CA10: variants seen among roughly 807,000 people sequenced by gnomAD.
CA10 encodes the protein carbonic anhydrase 10 (inactive), also known as carbonic anhydrase-related protein 10.
Under a neutral mutation model 44.2 loss-of-function variants are expected in CA10, and 14 were observed. The observed-to-expected ratio is 0.32, with a 90% CI of 0.21 to 0.50. The LOEUF is 0.50. Among genes scored for constraint, CA10 ranks in the 20% least tolerant of loss-of-function variants. CA10 has a pLI of 0.99. For missense variants in CA10, 350 were observed against 409.7 expected (o/e 0.85, Z 1.26); for synonymous variants, 159 against 141.6 (o/e 1.12, Z -0.87).
intron 4 of CA10, among the ~76,000 whole-genome samples, chr17:51,704,466 A>T (rs1915698996): frequency 6.6e-6 from 1 of 152,196 alleles, no homozygotes; most frequent in African/African-American, 2.4e-5. Context: ...TCATCCGTAA[A>T]ATAATGTAGC....
intron 5 of CA10, among the ~76,000 whole-genome samples, chr17:51,649,878 G>A (rs75555828): frequency 2.0e-4 from 28 of 142,748 alleles, no homozygotes; most frequent in African/African-American, 1.6e-4. Flanking sequence ...TAAGGAAATG[G>A]AAAAAAAAAA....
At chr17:51,921,551 T>C (rs1418230447) in intron 3 of CA10, among the ~76,000 whole-genome samples, 1 of 152,232 alleles carries the variant, frequency 6.6e-6, no homozygotes, top group Admixed American at 6.5e-5. Flanking sequence ...CCTCTTCTTC[T>C]GTACTTTACT....
intron 4 of CA10, among the ~76,000 whole-genome samples, chr17:51,671,841 G>T (rs2143352669): frequency 6.6e-6 from 1 of 152,262 alleles, no homozygotes; most frequent in South Asian, 2.1e-4. Flanking sequence ...GTATGAATTT[G>T]CTGTCTTCCT....
intron 1 of CA10, chr17:52,135,065 A>G (rs777902684): frequency 4.8e-5 from 22 of 460,790 alleles, no homozygotes; most frequent in Middle Eastern, 3.3e-4. Flanking sequence ...AGAAATAAAA[A>G]TGGAATCCTA....
intron 2 of CA10, among the ~76,000 whole-genome samples, chr17:51,984,117 C>A (rs992327562): frequency 3.3e-5 from 5 of 151,598 alleles, no homozygotes; most frequent in African/African-American, 9.7e-5. Flanking sequence ...GTAATGAAAG[C>A]ACTCTACCCT....
At chr17:51,826,384 C>T (rs1048514964) in intron 3 of CA10, among the ~76,000 whole-genome samples, 8 of 152,188 alleles carry the variant, frequency 5.3e-5, no homozygotes, top group Non-Finnish European at 8.8e-5. Context: ...GTGAGGAAAG[C>T]AGCTTCTTCT....
intron 3 of CA10, among the ~76,000 whole-genome samples, chr17:51,750,030 G>A (rs546935525): frequency 1.3e-5 from 2 of 152,164 alleles, no homozygotes; most frequent in African/African-American, 4.8e-5. Flanking sequence ...TGTATATTTA[G>A]TTAGTGTGAG....
chr17:51,731,206 A>T (rs1916704005), intron 4 of CA10, among the ~76,000 whole-genome samples: 1 of 152,138 alleles, frequency 6.6e-6, no homozygotes, highest in Admixed American at 6.5e-5. Context: ...GTGAAACCCC[A>T]TCTCTACTAA....
At chr17:51,847,229 C>G (rs1372429390) in intron 3 of CA10, among the ~76,000 whole-genome samples, 1 of 152,176 alleles carries the variant, frequency 6.6e-6, no homozygotes, top group Non-Finnish European at 1.5e-5. Context: ...TCTGAACCCA[C>G]CCAATAATAA....
chr17:52,056,904 G>A (rs894797197), intron 2 of CA10, among the ~76,000 whole-genome samples: 1 of 152,000 alleles, frequency 6.6e-6, no homozygotes, highest in Non-Finnish European at 1.5e-5. Context: ...TGTTCTTTGT[G>A]TTTACAATCA....
rs528870405 is a variant in CA10 at position 52,007,371 on chromosome 17, A to C, written c.136+64948T>G. 1.6e-4 allele frequency among the ~76,000 whole-genome samples: 24 copies of C among 151,700 alleles called. No homozygotes were observed. In the South Asian group the frequency reaches 4.6e-3, roughly 29 times the overall value. On this transcript the variant is annotated intron_variant, in intron 2 of 8. Transcript: ENST00000451037. Reference sequence around the variant, plus strand: ...CATCCATAAGTAAGGTGTTTGCTAGAATGTTGGTGGATACTCTTCAATAGA... The same window carrying C: ...CATCCATAAGTAAGGTGTTTGCTAGCATGTTGGTGGATACTCTTCAATAGA...
At chr17:52,013,830 A>G (rs1985884105) in intron 2 of CA10, among the ~76,000 whole-genome samples, 2 of 152,020 alleles carry the variant, frequency 1.3e-5, no homozygotes, top group Admixed American at 1.3e-4. Context: ...AGTCCTTTAT[A>G]TAAAATAACG....
At chr17:51,969,589 T>C (rs2144066498) in intron 2 of CA10, among the ~76,000 whole-genome samples, 1 of 152,180 alleles carries the variant, frequency 6.6e-6, no homozygotes, top group African/African-American at 2.4e-5. Flanking sequence ...TCTGCTATGT[T>C]GAATAGAAGA....
intron 2 of CA10, among the ~76,000 whole-genome samples, chr17:51,961,157 T>C (rs1028715865): frequency 1.3e-5 from 2 of 149,308 alleles, no homozygotes; most frequent in Non-Finnish European, 3.0e-5. Context: ...GCCAATTTCC[T>C]GCCCCTACTC....
At chr17:52,025,499 T>C (rs985999180) in intron 2 of CA10, among the ~76,000 whole-genome samples, 1 of 152,198 alleles carries the variant, frequency 6.6e-6, no homozygotes, top group East Asian at 1.9e-4. Context: ...CTGGAAAATA[T>C]TGATAATAGA....
intron 3 of CA10, among the ~76,000 whole-genome samples, chr17:51,908,315 A>G (rs550510701): frequency 2.0e-5 from 3 of 152,306 alleles, no homozygotes; most frequent in African/African-American, 7.2e-5. Flanking sequence ...ATATTGACAC[A>G]TCAGGAGAGC....
chr17:52,029,094 G>A (rs998919705), intron 2 of CA10, among the ~76,000 whole-genome samples: 4 of 152,146 alleles, frequency 2.6e-5, no homozygotes, highest in Admixed American at 2.6e-4. Context: ...CTAGTAAACA[G>A]TGAACATCTT....
intron 4 of CA10, among the ~76,000 whole-genome samples, chr17:51,721,447 G>A (rs1444230420): frequency 1.3e-5 from 2 of 151,986 alleles, no homozygotes; most frequent in Non-Finnish European, 2.9e-5. Context: ...TGATTCTCCT[G>A]CCTCAACCTT....
intron 3 of CA10, among the ~76,000 whole-genome samples, chr17:51,854,881 C>T (rs1457441567): frequency 6.6e-6 from 1 of 152,192 alleles, no homozygotes; most frequent in Non-Finnish European, 1.5e-5. Flanking sequence ...GCTCAGCTCG[C>T]TTAAACCTCG....
Sources: allele counts gnomAD v4.1 joint callset (sites outside exome capture counted in the v4.1 genomes callset), GRCh38; gene constraint gnomAD v4.1.1; transcripts MANE v1.5; gene names NCBI Gene and HGNC (gene_info 2026-07-23, HGNC 2026-07-21).